The following CNTLN variants were observed in gnomAD, a reference collection of about 807,000 sequenced individuals.
The protein encoded by CNTLN is centlein, also known as centlein, centrosomal protein.
A neutral mutation model predicts 180.0 loss-of-function variants in CNTLN; 212 were observed. The ratio of observed to expected loss-of-function variants is 1.18; its 90% CI spans 1.05 to 1.32. CNTLN has a LOEUF of 1.32. Ranked by LOEUF, CNTLN falls within the 40% of genes most tolerant of loss-of-function variation. CNTLN has a pLI of 0.00. For missense variants in CNTLN, 2,095 were observed against 1,610.9 expected (o/e 1.30, Z -5.14); for synonymous variants, 722 against 563.1 (o/e 1.28, Z -3.99).
chr9:17,309,135 T>A lies in CNTLN; in HGVS notation c.1224T>A (p.Leu408=), dbSNP rs780326207. Residue 408 remains leucine, a synonymous_variant, in exon 8 of 26, where the codon CTT becomes CTA. Transcript: ENST00000380647. The stretch of plus-strand genomic sequence containing the variant: ...TGCTCCGGCAAAGTGTTACTAATCT[T>A]CAGGATCAGCTATTACAAAAAGAGC... ...EAMLRQSVTN[L]QDQLLQKEQE... 1 of 1,610,390 alleles carries A rather than the reference T, an allele frequency of 6.2e-7. No homozygotes were observed.
chr9:17,178,671 G>A lies in CNTLN; in HGVS notation c.449+35295G>A, dbSNP rs569300469. Among the ~76,000 whole-genome samples, 205 of 112,976 alleles carry A rather than the reference G, an allele frequency of 1.8e-3. 1 individual carries two copies. Among genetic ancestry groups the A allele is most frequent in the African/African-American group, 6.0e-3 (180 of 29,850 alleles). 74.1% of individuals were successfully genotyped at this position (112,976 alleles called of 152,430 possible). On this transcript the variant is annotated intron_variant, in intron 2 of 25. Coordinates refer to ENST00000380647, the MANE Select transcript of CNTLN (RefSeq NM_017738.4). ...CCCGGGGCCTGCCGGCTGGCCGGCC[G>A]CTCCAAGTGCGGGGACCACCGAGCC... is the stretch of plus-strand genomic sequence containing the variant.
At chr9:17,166,961 G>A in intron 2 of CNTLN, 1 of 431,192 alleles carries the variant, frequency 2.3e-6, no homozygotes, top group South Asian at 1.8e-5. Context: ...AGAAGACTTG[G>A]TAGCAGTAGT....
At chr9:17,293,460 C>G (rs1030999078) in intron 6 of CNTLN, among the ~76,000 whole-genome samples, 1 of 152,198 alleles carries the variant, frequency 6.6e-6, no homozygotes, top group Non-Finnish European at 1.5e-5. Flanking sequence ...TGTCCCTAAA[C>G]CCCTGGCTGC....
intron 23 of CNTLN, among the ~76,000 whole-genome samples, chr9:17,478,807 T>C (rs188357188): frequency 1.1e-4 from 17 of 152,338 alleles, no homozygotes; most frequent in Admixed American, 9.8e-4. Context: ...TACTGGGTTC[T>C]CTATTCTGTT....
intron 12 of CNTLN, among the ~76,000 whole-genome samples, chr9:17,343,579 AT>A (rs1821649099): frequency 6.6e-6 from 1 of 152,172 alleles, no homozygotes; most frequent in Admixed American, 6.5e-5. Flanking sequence ...TAAATATTTG[AT>A]GCTATAATGA....
chr9:17,340,644 C>T lies in CNTLN; in HGVS notation c.1645-183C>T, dbSNP rs1215280638. On this transcript the variant is annotated intron_variant, in intron 10 of 25. Transcript: ENST00000380647. ...AATGCATTGACTGAGTTGAATTTAT[C>T]AAGCAAATGTATTCTGTGACTAGAG... Among the ~76,000 whole-genome samples, 5 of 152,216 alleles carry T rather than the reference C, an allele frequency of 3.3e-5. 1 individual carries two copies. In the South Asian group the frequency reaches 1.0e-3, roughly 32 times the overall value.
intron 13 of CNTLN, among the ~76,000 whole-genome samples, chr9:17,377,757 G>C (rs1033731077): frequency 1.3e-5 from 2 of 152,282 alleles, no homozygotes; most frequent in African/African-American, 4.8e-5. Context: ...GTTGCTGTGA[G>C]GATGTGTTAC....
At chr9:17,458,701 A>T (rs1017973099) in intron 19 of CNTLN, among the ~76,000 whole-genome samples, 1 of 151,964 alleles carries the variant, frequency 6.6e-6, no homozygotes, top group African/African-American at 2.4e-5. Context: ...ATTGCTTGAA[A>T]ATAATTTGCT....
At chr9:17,137,628 T>C (rs1350701535) in intron 1 of CNTLN, among the ~76,000 whole-genome samples, 1 of 152,200 alleles carries the variant, frequency 6.6e-6, no homozygotes, top group African/African-American at 2.4e-5. Flanking sequence ...TCTAAATTAA[T>C]TTCAGAACCC....
At chr9:17,425,565 C>T (rs551775548) in intron 18 of CNTLN, among the ~76,000 whole-genome samples, 1 of 152,234 alleles carries the variant, frequency 6.6e-6, no homozygotes, top group South Asian at 2.1e-4. Flanking sequence ...GAACAGGGTG[C>T]TGCAGTAACA....
At chr9:17,478,422 T>C (rs1333830185) in intron 23 of CNTLN, among the ~76,000 whole-genome samples, 4 of 152,200 alleles carry the variant, frequency 2.6e-5, no homozygotes, top group African/African-American at 9.6e-5. Flanking sequence ...TCCTACTTAT[T>C]TATTTTTGAT....
At chr9:17,334,473 A>C (rs1474907944) in intron 10 of CNTLN, among the ~76,000 whole-genome samples, 3 of 152,092 alleles carry the variant, frequency 2.0e-5, no homozygotes, top group Non-Finnish European at 4.4e-5. Context: ...ATATTTATAT[A>C]ATTCCTTATA....
At chr9:17,360,495 G>C (rs1823284927) in intron 12 of CNTLN, among the ~76,000 whole-genome samples, 1 of 152,138 alleles carries the variant, frequency 6.6e-6, no homozygotes, top group Non-Finnish European at 1.5e-5. Context: ...CAGCCTAGGG[G>C]GTGGTGGAGG....
intron 2 of CNTLN, among the ~76,000 whole-genome samples, chr9:17,203,591 C>T (rs1483998842): frequency 1.3e-5 from 2 of 152,128 alleles, no homozygotes; most frequent in African/African-American, 4.8e-5. Flanking sequence ...GAGTCTCACT[C>T]TGTCGCCAAG....
chr9:17,332,714 A>G lies in CNTLN; in HGVS notation c.1628A>G (p.Lys543Arg). 6.2e-7 allele frequency: 1 copy of G among 1,602,560 alleles called. No individual in the cohort carries two copies. Among genetic ancestry groups the G allele is most frequent in the Non-Finnish European group, 8.5e-7 (1 of 1,175,846 alleles). The change falls in exon 10 of 26, where the codon AAG becomes AGG. Residue 543 changes from lysine (K) to arginine (R), a missense_variant. Lys to Arg is a conservative substitution (Grantham distance 26). Coordinates refer to ENST00000380647, the MANE Select transcript of CNTLN (RefSeq NM_017738.4). Reference protein sequence around the residue: ...KAERKIENLEKALQLKSQEND... With the variant: ...KAERKIENLERALQLKSQEND... ...GAAAGAAAGATTGAAAACTTAGAGAAGGCACTACAACTAAAGGTGAACATT... is the reference window on the plus strand; with the variant it reads ...GAAAGAAAGATTGAAAACTTAGAGAGGGCACTACAACTAAAGGTGAACATT...
intron 12 of CNTLN, among the ~76,000 whole-genome samples, chr9:17,358,069 T>A (rs1350861531): frequency 2.0e-4 from 31 of 152,036 alleles, no homozygotes; most frequent in Non-Finnish European, 1.9e-4. Context: ...ATATTTGTAG[T>A]TTTATCTAGG....
At chr9:17,387,852 C>A (rs577853560) in intron 13 of CNTLN, among the ~76,000 whole-genome samples, 2 of 149,362 alleles carry the variant, frequency 1.3e-5, no homozygotes, top group South Asian at 4.2e-4. Context: ...GCTTTTAAGG[C>A]AAAGGGGGAA....
intron 6 of CNTLN, among the ~76,000 whole-genome samples, chr9:17,285,230 C>A (rs1828910345): frequency 6.8e-6 from 1 of 147,012 alleles, no homozygotes; most frequent in Non-Finnish European, 1.5e-5. Context: ...GTTCAATTCC[C>A]ACCTATGAGT....
chr9:17,474,834 C>G (rs964549127), intron 23 of CNTLN, among the ~76,000 whole-genome samples: 11 of 150,882 alleles, frequency 7.3e-5, no homozygotes, highest in Admixed American at 2.0e-4. Flanking sequence ...CGCCACTGCA[C>G]TCTAGCCTGG....
Sources: gnomAD v4.1 joint callset for allele counts (sites outside exome capture counted in the v4.1 genomes callset) on GRCh38, gnomAD v4.1.1 for gene constraint, MANE v1.5 for transcripts, NCBI Gene and HGNC (gene_info 2026-07-23, HGNC 2026-07-21) for gene names.